Variants in LIN7A observed in about 807,000 individuals in gnomAD.
The protein encoded by LIN7A is lin-7 cell polarity scaffold A.
A neutral mutation model predicts 29.8 loss-of-function variants in LIN7A; 25 were observed. That is an observed-to-expected ratio of 0.84 (90% confidence interval 0.61 to 1.17). The LOEUF (loss-of-function observed/expected upper bound fraction) is 1.17, where lower values mean the gene tolerates loss of function less well. Ranked by LOEUF, LIN7A falls within the 50% of genes most tolerant of loss-of-function variation. LIN7A has a pLI of 0.00. For missense variants in LIN7A, 239 were observed against 287.0 expected (o/e 0.83, Z 1.21); for synonymous variants, 118 against 107.5 (o/e 1.10, Z -0.60).
At chr12:80,840,776 G>A (rs1461261102) in intron 4 of LIN7A, among the ~76,000 whole-genome samples, 3 of 152,160 alleles carry the variant, frequency 2.0e-5, no homozygotes, top group African/African-American at 7.2e-5. Flanking sequence ...CCCATTGGAA[G>A]ACATAGAATC....
At chr12:80,859,885 C>A (rs1873778582) in intron 2 of LIN7A, among the ~76,000 whole-genome samples, 1 of 152,066 alleles carries the variant, frequency 6.6e-6, no homozygotes, top group Non-Finnish European at 1.5e-5. Context: ...TTAAATCAAG[C>A]CAATCATTAC....
At chr12:80,907,600 C>T (rs978260780) in intron 1 of LIN7A, among the ~76,000 whole-genome samples, 1 of 152,062 alleles carries the variant, frequency 6.6e-6, no homozygotes, top group African/African-American at 2.4e-5. Flanking sequence ...AGAATAAATG[C>T]TCTGCCTAAA....
chr12:80,848,413 G>C, intron 2 of LIN7A, 91 bp from the exon 3 acceptor site: 3 of 991,706 alleles, frequency 3.0e-6, no homozygotes, highest in Non-Finnish European at 4.6e-6. Context: ...TTCACTGTAG[G>C]AAAAAAATTC....
chr12:80,812,630 C>G (rs1871346005), intron 4 of LIN7A, among the ~76,000 whole-genome samples: 1 of 152,288 alleles, frequency 6.6e-6, no homozygotes, highest in African/African-American at 2.4e-5. Flanking sequence ...GGGCTCACCA[C>G]CACCTCCGCC....
chr12:80,828,266 A>T (rs563742792), intron 4 of LIN7A, among the ~76,000 whole-genome samples: 2 of 152,144 alleles, frequency 1.3e-5, no homozygotes, highest in African/African-American at 2.4e-5. Context: ...ATACATAAAG[A>T]TTTTCATTCA....
intron 1 of LIN7A, among the ~76,000 whole-genome samples, chr12:80,928,388 A>T (rs1353336445): frequency 6.6e-6 from 1 of 151,920 alleles, no homozygotes; most frequent in Non-Finnish European, 1.5e-5. Context: ...CTTTTTAATG[A>T]TCGCCATTCT....
At position 80,885,326 on chromosome 12, in the gene LIN7A, A is replaced by C. The variant is rs983038369; in HGVS notation, c.201+3925T>G. Among the ~76,000 whole-genome samples the C allele has an allele frequency of 5.9e-5, 9 of 152,262 alleles. 1 individual carries two copies. In the South Asian group the frequency reaches 1.7e-3, roughly 28 times the overall value. Reference sequence around the variant, plus strand: ...AGCTTGAAGTCACTTGAAATCAGGGAAATGATCTTTACTGAGAATATCGGT... The same window carrying C: ...AGCTTGAAGTCACTTGAAATCAGGGCAATGATCTTTACTGAGAATATCGGT... On this transcript the variant is annotated intron_variant, in intron 2 of 5. Transcript: ENST00000552864.
At chr12:80,880,569 G>A (rs917890082) in intron 2 of LIN7A, among the ~76,000 whole-genome samples, 11 of 152,238 alleles carry the variant, frequency 7.2e-5, no homozygotes, top group African/African-American at 2.2e-4. Context: ...TCTTTCACAC[G>A]AATGCATGCT....
At chr12:80,843,266 T>A (rs1427944281) in intron 4 of LIN7A, among the ~76,000 whole-genome samples, 1 of 152,168 alleles carries the variant, frequency 6.6e-6, no homozygotes, top group Non-Finnish European at 1.5e-5. Flanking sequence ...ATAGGATTAA[T>A]GACCAAAGTT....
intron 5 of LIN7A, among the ~76,000 whole-genome samples, chr12:80,807,077 T>TTGTTTTTTTTTTTG (rs1871049450): frequency 7.8e-5 from 9 of 115,538 alleles, no homozygotes; most frequent in East Asian, 2.6e-4. Context: ...TTTTTTTTTT[T>TTGTTTTTTTTTTTG]TTTTTTTTTT....
At chr12:80,893,852 A>C (rs754382260) in intron 1 of LIN7A, among the ~76,000 whole-genome samples, 1 of 152,126 alleles carries the variant, frequency 6.6e-6, no homozygotes, top group Non-Finnish European at 1.5e-5. Flanking sequence ...TCTAGTGGGT[A>C]CCCCTCCAAG....
At position 80,818,655 on chromosome 12, in the gene LIN7A, ACTTT is replaced by A. The variant is rs950835358; in HGVS notation, c.484-6976_484-6973del. ...GATGTACATAGTAGTCAACTGAAGA[ACTTT>A]TTAAATATAGAGACCTAGGCTCTTC... On this transcript the variant is annotated intron_variant, in intron 4 of 5. Transcript: ENST00000552864. 5.9e-5 allele frequency among the ~76,000 whole-genome samples: 9 copies of A among 152,206 alleles called. No homozygotes were observed. The South Asian group carries it at 8.3e-4, about 14-fold the overall frequency.
chr12:80,834,565 A>C (rs548390205), intron 4 of LIN7A, among the ~76,000 whole-genome samples: 6 of 152,278 alleles, frequency 3.9e-5, no homozygotes, highest in African/African-American at 1.4e-4. Flanking sequence ...TTCATTTGCA[A>C]ATTTATTGAA....
At chr12:80,816,506 A>G (rs1171832000) in intron 4 of LIN7A, among the ~76,000 whole-genome samples, 2 of 152,032 alleles carry the variant, frequency 1.3e-5, no homozygotes, top group Non-Finnish European at 2.9e-5. Flanking sequence ...TGGAGCCTTC[A>G]AAAAGTTGTA....
chr12:80,867,569 A>C (rs541688937), intron 2 of LIN7A, among the ~76,000 whole-genome samples: 2 of 152,310 alleles, frequency 1.3e-5, no homozygotes, highest in African/African-American at 4.8e-5. Flanking sequence ...TCTAACAGAT[A>C]GCTTTCAATC....
At chr12:80,841,180 G>A (rs1872787111) in intron 4 of LIN7A, among the ~76,000 whole-genome samples, 1 of 151,952 alleles carries the variant, frequency 6.6e-6, no homozygotes, top group Non-Finnish European at 1.5e-5. Flanking sequence ...TCTTTGCAAG[G>A]ATGGAATGAG....
At chr12:80,869,838 G>C (rs1481295238) in intron 2 of LIN7A, among the ~76,000 whole-genome samples, 1 of 151,272 alleles carries the variant, frequency 6.6e-6, no homozygotes, top group Non-Finnish European at 1.5e-5. Flanking sequence ...CTCAACAACT[G>C]GGTAACTGAA....
intron 1 of LIN7A, among the ~76,000 whole-genome samples, chr12:80,929,756 A>G (rs1453124297): frequency 6.6e-6 from 1 of 152,076 alleles, no homozygotes; most frequent in Non-Finnish European, 1.5e-5. Flanking sequence ...ATATATTTTA[A>G]AATATATATA....
intron 1 of LIN7A, among the ~76,000 whole-genome samples, chr12:80,898,533 T>A (rs928496600): frequency 6.6e-6 from 1 of 152,222 alleles, no homozygotes; most frequent in African/African-American, 2.4e-5. Context: ...AGAATTGTAG[T>A]TTGATAGGAA....
Sources: allele counts gnomAD v4.1 joint callset (sites outside exome capture counted in the v4.1 genomes callset), GRCh38; gene constraint gnomAD v4.1.1; transcripts MANE v1.5; gene names NCBI Gene and HGNC (gene_info 2026-07-23, HGNC 2026-07-21).